Variants in LRMDA observed in about 807,000 individuals in gnomAD.
LRMDA encodes the protein leucine-rich melanocyte differentiation-associated protein.
In LRMDA, 18 loss-of-function variants were observed where a neutral mutation model predicts 29.8. The ratio of observed to expected loss-of-function variants is 0.60; its 90% confidence interval spans 0.42 to 0.90. The LOEUF (loss-of-function observed/expected upper bound fraction) is 0.90. Ranked by LOEUF, LRMDA falls within the 40% of genes least tolerant of loss-of-function variation. The probability of loss-of-function intolerance (pLI) is 0.00; values close to 1 mark genes in which losing one functional copy is unlikely to be tolerated. For missense variants in LRMDA, 273 were observed against 273.9 expected, an observed-to-expected ratio of 1.00 and a Z score of 0.02; for synonymous variants, 125 against 109.4, an observed-to-expected ratio of 1.14 and a Z score of -0.89.
intron 5 of LRMDA, among the ~76,000 whole-genome samples, chr10:76,282,328 T>C (rs1258089078): frequency 6.6e-6 from 1 of 152,218 alleles, no homozygotes; most frequent in East Asian, 1.9e-4. Flanking sequence ...GTGGTAATAA[T>C]TTGCTCGAAA....
At chr10:76,458,731 CA>C (rs979016365) in intron 6 of LRMDA, among the ~76,000 whole-genome samples, 2 of 152,128 alleles carry the variant, frequency 1.3e-5, no homozygotes, top group African/African-American at 4.8e-5. Context: ...TCACAGGGGC[CA>C]CAGAAATCTC....
At chr10:75,674,688 G>A (rs1404973843) in intron 2 of LRMDA, among the ~76,000 whole-genome samples, 2 of 152,184 alleles carry the variant, frequency 1.3e-5, no homozygotes, top group South Asian at 2.1e-4. Context: ...TTTCTGATAA[G>A]CGAGCAGGGA....
chr10:76,259,325 A>G (rs1839904676), intron 5 of LRMDA, among the ~76,000 whole-genome samples: 1 of 151,892 alleles, frequency 6.6e-6, no homozygotes, highest in Non-Finnish European at 1.5e-5. Flanking sequence ...TCCTTCACTC[A>G]TTGGTTGTTC....
chr10:76,142,435 C>A (rs1032005095), intron 5 of LRMDA, among the ~76,000 whole-genome samples: 9 of 151,970 alleles, frequency 5.9e-5, no homozygotes, highest in Admixed American at 2.0e-4. Flanking sequence ...TATTTAACTA[C>A]AAATACATTT....
intron 2 of LRMDA, among the ~76,000 whole-genome samples, chr10:75,851,170 A>G (rs550411230): frequency 6.6e-6 from 1 of 152,274 alleles, no homozygotes; most frequent in Admixed American, 6.5e-5. Context: ...TCAAAATGAG[A>G]AACAAGGGAA....
intron 2 of LRMDA, among the ~76,000 whole-genome samples, chr10:75,893,510 C>T (rs1004748633): frequency 3.3e-5 from 5 of 152,138 alleles, no homozygotes; most frequent in African/African-American, 4.8e-5. Flanking sequence ...AGTTTGAAAG[C>T]GGAAGTGGCA....
rs1840656170 is a variant in LRMDA, at chr10:75,586,370, A to ATTTT, written c.131+147876_131+147877insTTTT. 3.1e-5 allele frequency among the ~76,000 whole-genome samples: 2 copies of ATTTT among 64,446 alleles called. 1 individual carries two copies. Among genetic ancestry groups the ATTTT allele is most frequent in the Non-Finnish European group, 5.2e-5 (2 of 38,452 alleles). The allele number at this position is 64,446 out of a possible 152,430, so 42.3% of individuals were successfully genotyped here. On this transcript the variant is annotated intron_variant, in intron 2 of 6. Transcript: ENST00000611255. ...TTTTTTTTTTTTTTTTTTTTTTTTT[A>ATTTT]AATTAGAGACAGGATCTCACTCTGT...
chr10:75,811,244 C>T (rs1843954452), intron 2 of LRMDA, among the ~76,000 whole-genome samples: 1 of 152,178 alleles, frequency 6.6e-6, no homozygotes, highest in Admixed American at 6.5e-5. Flanking sequence ...TCTGGTTATT[C>T]TCATCACACT....
intron 2 of LRMDA, among the ~76,000 whole-genome samples, chr10:75,568,791 TC>T (rs1386687445): frequency 1.3e-5 from 2 of 152,248 alleles, no homozygotes; most frequent in African/African-American, 4.8e-5. Context: ...AAGTTTAAGT[TC>T]CTTTCAATTG....
chr10:76,237,149 A>T (rs1438078322), intron 5 of LRMDA, among the ~76,000 whole-genome samples: 1 of 152,240 alleles, frequency 6.6e-6, no homozygotes, highest in Admixed American at 6.5e-5. Flanking sequence ...GCACTACTGC[A>T]TTCGAGCCTG....
chr10:75,852,147 T>G (rs1462626444), intron 2 of LRMDA, among the ~76,000 whole-genome samples: 1 of 152,232 alleles, frequency 6.6e-6, no homozygotes, highest in African/African-American at 2.4e-5. Context: ...CAGTAGGCCC[T>G]GAGCCATTTC....
intron 2 of LRMDA, among the ~76,000 whole-genome samples, chr10:75,802,970 ATATT>A (rs759999395): frequency 0.29 from 36,544 of 127,614 alleles, 5,292 homozygotes; most frequent in South Asian, 0.41. Context: ...ATATATATAT[ATATT>A]TTTTTTTTTT....
chr10:76,536,304 T>G (rs949558213), intron 6 of LRMDA, among the ~76,000 whole-genome samples: 4 of 152,210 alleles, frequency 2.6e-5, no homozygotes, highest in African/African-American at 9.7e-5. Flanking sequence ...TGTAACTCTT[T>G]TTGTTTTAAT....
At chr10:75,863,620 T>C (rs1844970364) in intron 2 of LRMDA, among the ~76,000 whole-genome samples, 1 of 152,214 alleles carries the variant, frequency 6.6e-6, no homozygotes, top group Non-Finnish European at 1.5e-5. Flanking sequence ...CTCATAAAGT[T>C]GTTGTGAGAA....
chr10:76,120,660 A>AC (rs2132124051), intron 5 of LRMDA, among the ~76,000 whole-genome samples: 1 of 152,300 alleles, frequency 6.6e-6, no homozygotes, highest in African/African-American at 2.4e-5. Flanking sequence ...TGATAGAAAG[A>AC]CCAAAACAGT....
intron 5 of LRMDA, among the ~76,000 whole-genome samples, chr10:76,240,563 T>C (rs1054024743): frequency 6.7e-6 from 1 of 150,262 alleles, no homozygotes; most frequent in African/African-American, 2.4e-5. Flanking sequence ...TATGGAAAAC[T>C]GTGGAGATTC....
intron 2 of LRMDA, among the ~76,000 whole-genome samples, chr10:75,626,220 C>T (rs1277239260): frequency 1.3e-5 from 2 of 152,032 alleles, no homozygotes; most frequent in African/African-American, 4.8e-5. Flanking sequence ...ATGCCTCAGC[C>T]CCACTGAGAA....
chr10:76,213,079 A>T lies in LRMDA; in HGVS notation c.517-111322A>T, dbSNP rs527350020. 4.6e-5 allele frequency among the ~76,000 whole-genome samples: 7 copies of T among 152,332 alleles called. No homozygotes were observed. The South Asian group carries it at 1.4e-3, about 32-fold the overall frequency. ...CCCAAAAACGCATCCCAAATTGAGCATATGTGATCTTCAGTAACATTCAGG... is the reference window on the plus strand; with the variant it reads ...CCCAAAAACGCATCCCAAATTGAGCTTATGTGATCTTCAGTAACATTCAGG... On this transcript the variant is annotated intron_variant, in intron 5 of 6. Coordinates refer to ENST00000611255, the MANE Select transcript of LRMDA (RefSeq NM_001305581.2).
At chr10:75,604,698 T>C (rs1227598761) in intron 2 of LRMDA, among the ~76,000 whole-genome samples, 2 of 152,322 alleles carry the variant, frequency 1.3e-5, no homozygotes, top group South Asian at 2.1e-4. Context: ...GGGGTGATAC[T>C]GTAAGCCAAC....
Sources: gnomAD v4.1 joint callset for allele counts (sites outside exome capture counted in the v4.1 genomes callset) on GRCh38, gnomAD v4.1.1 for gene constraint, MANE v1.5 for transcripts, NCBI Gene and HGNC (gene_info 2026-07-23, HGNC 2026-07-21) for gene names.